SCGB2B2: variants seen among roughly 807,000 people sequenced by gnomAD.
SCGB2B2 encodes secretoglobin family 2B member 2.
In SCGB2B2, 11 loss-of-function variants were observed where a neutral mutation model predicts 7.6. That is an observed-to-expected ratio of 1.45 (90% confidence interval 0.91 to 2.40). SCGB2B2 has a LOEUF of 2.40. Ranked by LOEUF, SCGB2B2 falls within the 30% of genes most tolerant of loss-of-function variation. The pLI, the probability that SCGB2B2 is intolerant of heterozygous loss-of-function variation, is 0.00. For missense variants in SCGB2B2, 104 were observed against 115.4 expected (o/e 0.90, Z 0.45); for synonymous variants, 50 against 48.6 (o/e 1.03, Z -0.12).
chr19:34,621,253 AT>A (rs2066233219), intron 1 of SCGB2B2, among the ~76,000 whole-genome samples: 1 of 152,248 alleles, frequency 6.6e-6, no homozygotes, highest in African/African-American at 2.4e-5. Context: ...TTGTTCGTCA[AT>A]TTTCTAATTG....
rs2065351781 is a variant in SCGB2B2, at chr19:34,593,498, G to A, written c.*57C>T. On this transcript the variant is annotated 3_prime_UTR_variant, in exon 4 of 4. Transcript: ENST00000601241. ...TGATGAACAGAGCCAGGCCAGGAAC[G>A]CGGGGAGCCCCAAGGAAGGCAGGAG... 3.7e-6 allele frequency: 5 copies of A among 1,357,620 alleles called. No individual in the cohort carries two copies. The highest frequency in any genetic ancestry group is 5.1e-6 in the Non-Finnish European group (5 of 973,112). The allele number at this position is 1,357,620 out of a possible 1,614,324, so 84.1% of individuals were successfully genotyped here.
intron 1 of SCGB2B2, among the ~76,000 whole-genome samples, chr19:34,660,601 C>A (rs984802453): frequency 2.6e-5 from 4 of 151,854 alleles, no homozygotes; most frequent in African/African-American, 9.7e-5. Context: ...GTTAGAATGG[C>A]GATCATTAAA....
chr19:34,657,504 A>C (rs1427632882), intron 1 of SCGB2B2, among the ~76,000 whole-genome samples: 1 of 151,904 alleles, frequency 6.6e-6, no homozygotes, highest in Non-Finnish European at 1.5e-5. Flanking sequence ...GAGACAAAGA[A>C]GGCCACTACA....
chr19:34,630,339 G>C (rs2066494196), intron 1 of SCGB2B2, among the ~76,000 whole-genome samples: 1 of 151,782 alleles, frequency 6.6e-6, no homozygotes, highest in African/African-American at 2.4e-5. Context: ...CTACAAAATG[G>C]GAGAAAATTT....
intron 1 of SCGB2B2, among the ~76,000 whole-genome samples, chr19:34,601,027 T>C (rs900686482): frequency 1.3e-5 from 2 of 152,186 alleles, no homozygotes; most frequent in Non-Finnish European, 2.9e-5. Flanking sequence ...TTATTTTGCT[T>C]TGTCCATTGA....
At chr19:34,594,114 G>T in intron 3 of SCGB2B2, 61 bp downstream of exon 3, 1 of 1,356,308 alleles carries the variant, frequency 7.4e-7, no homozygotes. Flanking sequence ...CAAGTGCAGG[G>T]AAGTGCAAGC....
intron 1 of SCGB2B2, among the ~76,000 whole-genome samples, chr19:34,669,270 A>C (rs2067733471): frequency 6.6e-6 from 1 of 152,180 alleles, no homozygotes; most frequent in African/African-American, 2.4e-5. Context: ...TTCCTAATGC[A>C]CTTTCTATAT....
chr19:34,645,509 CACACAGACACACACAGACACACACAG>C (rs1365351623), intron 1 of SCGB2B2: 2 of 40,414 alleles, frequency 4.9e-5, no homozygotes, highest in Non-Finnish European at 1.0e-4. Context: ...CATACACAGA[CACACAGACACACACAGACACACACAG>C]ACACAGACAC....
chr19:34,640,803 A>G (rs2066819488), intron 1 of SCGB2B2: 2 of 152,126 alleles, frequency 1.3e-5, no homozygotes, highest in East Asian at 3.9e-4. Flanking sequence ...TATGACTTAC[A>G]GTACCAGGCT....
chr19:34,643,019 A>T (rs1263613941), intron 1 of SCGB2B2, among the ~76,000 whole-genome samples: 1 of 152,162 alleles, frequency 6.6e-6, no homozygotes, highest in Non-Finnish European at 1.5e-5. Flanking sequence ...AGAAAACTAA[A>T]ACTAAAACTA....
chr19:34,636,072 T>A (rs1048739745), intron 1 of SCGB2B2, among the ~76,000 whole-genome samples: 1 of 152,246 alleles, frequency 6.6e-6, no homozygotes, highest in South Asian at 2.1e-4. Flanking sequence ...TTAGGAGCCC[T>A]GACCTGTGAC....
At chr19:34,627,853 T>C (rs1441477575) in intron 1 of SCGB2B2, among the ~76,000 whole-genome samples, 4 of 152,182 alleles carry the variant, frequency 2.6e-5, no homozygotes, top group South Asian at 2.1e-4. Flanking sequence ...TCTTCCAAAA[T>C]TGACCACATA....
At chr19:34,598,100 G>A (rs1378481817) in intron 1 of SCGB2B2, among the ~76,000 whole-genome samples, 1 of 152,198 alleles carries the variant, frequency 6.6e-6, no homozygotes, top group African/African-American at 2.4e-5. Flanking sequence ...CAGGGAAGTG[G>A]AGGCAGCAAG....
At chr19:34,602,840 G>C (rs981100337) in intron 1 of SCGB2B2, among the ~76,000 whole-genome samples, 1 of 152,134 alleles carries the variant, frequency 6.6e-6, no homozygotes, top group African/African-American at 2.4e-5. Context: ...CCACAGCCAA[G>C]AGCCATTCAT....
intron 1 of SCGB2B2, among the ~76,000 whole-genome samples, chr19:34,611,993 A>C (rs1156826356): frequency 2.0e-5 from 2 of 101,518 alleles, no homozygotes; most frequent in African/African-American, 7.3e-5. Context: ...TCATTGTTGA[A>C]TTTTCATATA....
chr19:34,588,407 AC>A (rs145264082), downstream of SCGB2B2, among the ~76,000 whole-genome samples: 1,054 of 152,280 alleles, frequency 6.9e-3, 12 homozygotes, highest in African/African-American at 0.024. Context: ...TGTGGCCGTC[AC>A]CCAGGCCACA....
intron 1 of SCGB2B2, among the ~76,000 whole-genome samples, chr19:34,630,814 C>T (rs538067425): frequency 0.026 from 3,983 of 152,014 alleles, 178 homozygotes; most frequent in African/African-American, 0.089. Flanking sequence ...CACATGCACA[C>T]GTATGTTTAT....
chr19:34,601,076 TG>T (rs1356074555), intron 1 of SCGB2B2, among the ~76,000 whole-genome samples: 3 of 152,242 alleles, frequency 2.0e-5, no homozygotes, highest in African/African-American at 7.2e-5. Flanking sequence ...GTGTAAGGTG[TG>T]GGTAAGAGTC....
chr19:34,642,714 C>CAAA (rs55922005), intron 1 of SCGB2B2, among the ~76,000 whole-genome samples: 16,135 of 39,516 alleles, frequency 0.41, 5,786 homozygotes, highest in African/African-American at 0.57. Context: ...GACTCCGTCT[C>CAAA]AAAAAAAAAA....
Sources: gnomAD v4.1 joint callset for allele counts (sites outside exome capture counted in the v4.1 genomes callset) on GRCh38, gnomAD v4.1.1 for gene constraint, MANE v1.5 for transcripts, NCBI Gene and HGNC (gene_info 2026-07-23, HGNC 2026-07-21) for gene names.